Variants in NF1 observed in about 807,000 individuals in gnomAD.
NF1 encodes the protein neurofibromin.
Under a neutral mutation model 325.7 loss-of-function variants are expected in NF1, and 122 were observed. That is an observed-to-expected ratio of 0.37 (90% CI 0.32 to 0.44). NF1 has a LOEUF of 0.44. Among genes scored for constraint, NF1 ranks in the 20% least tolerant of loss-of-function variants. The pLI, the probability that NF1 is intolerant of heterozygous loss-of-function variation, is 1.00. For missense variants in NF1, 2,140 were observed against 3,415.4 expected (o/e 0.63, Z 9.31); for synonymous variants, 1,091 against 1,186.0 (o/e 0.92, Z 1.65).
At chr17:31,308,157 G>T (rs867418410) in intron 36 of NF1, among the ~76,000 whole-genome samples, 46 of 142,522 alleles carry the variant, frequency 3.2e-4, no homozygotes, top group African/African-American at 9.4e-4. Flanking sequence ...TTTTTTTTTT[G>T]GAGACAGAGT....
At chr17:31,342,560 C>T (rs1429914325) in intron 47 of NF1, among the ~76,000 whole-genome samples, 1 of 152,158 alleles carries the variant, frequency 6.6e-6, no homozygotes, top group African/African-American at 2.4e-5. Context: ...TGCACTCCAG[C>T]CTGGGCGACA....
chr17:31,095,902 G>A (rs965161491), intron 1 of NF1, among the ~76,000 whole-genome samples: 2 of 152,004 alleles, frequency 1.3e-5, no homozygotes, highest in African/African-American at 4.8e-5. Context: ...TCTCCTGGAG[G>A]GGGAAGAGCA....
intron 1 of NF1, among the ~76,000 whole-genome samples, chr17:31,105,081 G>A (rs565649839): frequency 5.9e-5 from 9 of 152,056 alleles, no homozygotes; most frequent in Middle Eastern, 3.4e-3. Flanking sequence ...AATTTTTTTC[G>A]TAGAGACAGT....
At chr17:31,242,402 G>T (rs1156871062) in intron 29 of NF1, among the ~76,000 whole-genome samples, 3 of 127,434 alleles carry the variant, frequency 2.4e-5, no homozygotes, top group Middle Eastern at 4.8e-3. Flanking sequence ...TGCACCCTCC[G>T]CCTCTACCTC....
Position 31,206,853 on chromosome 17 carries a change from A to G in NF1, c.1392+482A>G, listed in dbSNP as rs2285812. ...TAAAATAAAAATATTTTGTATTTCA[A>G]CAAATATGCCTTGAGGTTTTACAAC... On this transcript the variant is annotated intron_variant, in intron 12 of 57. Coordinates refer to ENST00000358273, the MANE Select transcript of NF1 (RefSeq NM_001042492.3). Among the ~76,000 whole-genome samples the G allele has an allele frequency of 0.53, 81,062 of 151,944 alleles. 25,496 individuals are homozygous for G. The highest frequency in any genetic ancestry group is 0.76 in the Middle Eastern group (222 of 294).
chr17:31,211,555 T>A (rs1011524385), intron 12 of NF1, among the ~76,000 whole-genome samples: 1 of 152,340 alleles, frequency 6.6e-6, no homozygotes. Flanking sequence ...TCATAGAGTC[T>A]GCTTACATGA....
intron 1 of NF1, among the ~76,000 whole-genome samples, chr17:31,127,337 A>G (rs1003045198): frequency 2.0e-5 from 3 of 152,126 alleles, no homozygotes; most frequent in Non-Finnish European, 2.9e-5. Flanking sequence ...GAGTCTTTGG[A>G]TCAAGTTGGG....
intron 14 of NF1, 110 bp downstream of exon 14, chr17:31,219,228 G>A: frequency 8.7e-7 from 1 of 1,156,038 alleles, no homozygotes; most frequent in Non-Finnish European, 1.3e-6. Flanking sequence ...TGTCATTTCT[G>A]GAAATGGTAT....
intron 24 of NF1, 55 bp from the exon 25 acceptor site, chr17:31,232,018 A>C: frequency 9.4e-7 from 1 of 1,068,344 alleles, no homozygotes; most frequent in South Asian, 1.5e-5. Flanking sequence ...GAAGTGAAAG[A>C]ACTTGAAAGA....
rs1043569170 is a variant in NF1, at chr17:31,206,436, C to T, written c.1392+65C>T. On this transcript the variant is annotated intron_variant, in intron 12 of 57. Transcript: ENST00000358273. ...ATTGCATTTTTTTTAGTGTCTTTAT[C>T]CTATTCCTGCTGCTTTGGTTATTTT... 16 of 1,584,776 alleles carry T rather than the reference C, an allele frequency of 1.0e-5. No individual in the cohort carries two copies. In the African/African-American group the frequency reaches 2.2e-4, roughly 21 times the overall value.
chr17:31,370,404 G>A (rs183168257), intron 57 of NF1, among the ~76,000 whole-genome samples: 179 of 152,024 alleles, frequency 1.2e-3, no homozygotes, highest in African/African-American at 4.1e-3. Context: ...TTAACATTTT[G>A]GTGCATTTCC....
chr17:31,185,682 C>G (rs1413881427), intron 8 of NF1, among the ~76,000 whole-genome samples: 2 of 152,186 alleles, frequency 1.3e-5, no homozygotes, highest in Non-Finnish European at 2.9e-5. Context: ...AGGTGTGTTA[C>G]TCTGGCCCAT....
chr17:31,178,586 A>C (rs999561132), intron 5 of NF1, among the ~76,000 whole-genome samples: 2 of 152,246 alleles, frequency 1.3e-5, no homozygotes, highest in African/African-American at 4.8e-5. Context: ...TAAAGAGTCA[A>C]GACCCATCAC....
chr17:31,192,345 A>T (rs1246942642), intron 8 of NF1, among the ~76,000 whole-genome samples: 1 of 152,228 alleles, frequency 6.6e-6, no homozygotes, highest in Non-Finnish European at 1.5e-5. Context: ...AACATCAATC[A>T]GATACATTTA....
intron 36 of NF1, among the ~76,000 whole-genome samples, chr17:31,308,696 C>T (rs1464754318): frequency 2.0e-5 from 3 of 152,004 alleles, no homozygotes; most frequent in Non-Finnish European, 4.4e-5. Flanking sequence ...ATATCTGAAT[C>T]TGTCCTCATC....
At chr17:31,168,939 T>C (rs2065889264) in intron 4 of NF1, among the ~76,000 whole-genome samples, 1 of 152,212 alleles carries the variant, frequency 6.6e-6, no homozygotes, top group African/African-American at 2.4e-5. Context: ...CTTCATTGTG[T>C]GTTTAGTTAT....
chr17:31,316,912 G>C (rs1189569840), intron 36 of NF1, among the ~76,000 whole-genome samples: 1 of 152,082 alleles, frequency 6.6e-6, no homozygotes, highest in Non-Finnish European at 1.5e-5. Flanking sequence ...ATGACCAAGA[G>C]CAGTTATCAC....
At chr17:31,185,392 A>T (rs73273568) in intron 8 of NF1, among the ~76,000 whole-genome samples, 2,630 of 152,312 alleles carry the variant, frequency 0.017, 94 homozygotes, top group African/African-American at 0.06. Flanking sequence ...GGTCTATTAC[A>T]TTAATGATAT....
At chr17:31,368,303 AT>A (rs998310862) in intron 57 of NF1, among the ~76,000 whole-genome samples, 4 of 151,552 alleles carry the variant, frequency 2.6e-5, no homozygotes, top group African/African-American at 7.3e-5. Context: ...AGCCTGGCTA[AT>A]TTTTTTTGTA....
Sources: gnomAD v4.1 joint callset for allele counts (sites outside exome capture counted in the v4.1 genomes callset) on GRCh38, gnomAD v4.1.1 for gene constraint, MANE v1.5 for transcripts, NCBI Gene and HGNC (gene_info 2026-07-23, HGNC 2026-07-21) for gene names.